Variants in IGBP1C observed in about 807,000 individuals in gnomAD.
The protein encoded by IGBP1C is immunoglobulin-binding protein 1 family member C.
chr17:58,676,554 C>A, the IGBP1C span, among the ~76,000 whole-genome samples: 535 of 152,174 alleles, frequency 3.5e-3, no homozygotes, highest in African/African-American at 0.012. Flanking sequence ...GAGTGAAACT[C>A]CATCTCAAAC....
chr17:58,689,042 T>C, the IGBP1C span, among the ~76,000 whole-genome samples: 1 of 152,104 alleles, frequency 6.6e-6, no homozygotes, highest in Non-Finnish European at 1.5e-5. Flanking sequence ...ACCATTCTCC[T>C]GCCTCAGCCT....
chr17:58,682,703 T>C, the IGBP1C span, among the ~76,000 whole-genome samples: 1 of 152,212 alleles, frequency 6.6e-6, no homozygotes, highest in Non-Finnish European at 1.5e-5. Context: ...AAGTGGCTCA[T>C]GAATCCTCAC....
the IGBP1C span, among the ~76,000 whole-genome samples, chr17:58,676,869 G>C: frequency 2.2e-4 from 34 of 151,976 alleles, no homozygotes; most frequent in African/African-American, 8.2e-4. Flanking sequence ...GGTGGCTCAC[G>C]CCTGTAATCC....
the IGBP1C span, chr17:58,666,503 C>CAACT: frequency 4.0e-5 from 4 of 98,930 alleles, no homozygotes; most frequent in South Asian, 1.6e-3. Context: ...AGCTAATACA[C>CAACT]AACTAACAAA....
chr17:58,685,996 C>CAAA, the IGBP1C span, among the ~76,000 whole-genome samples: 790 of 82,074 alleles, frequency 9.6e-3, 32 homozygotes, highest in African/African-American at 0.034. Flanking sequence ...CTCTGTCTCA[C>CAAA]AAAAAAAAAA....
At chr17:58,666,248 T>C in the IGBP1C span, among the ~76,000 whole-genome samples, 2 of 151,624 alleles carry the variant, frequency 1.3e-5, no homozygotes, top group African/African-American at 4.8e-5. Flanking sequence ...CTAGGGAAGC[T>C]GAGACACGAG....
At chr17:58,691,459 G>A in the IGBP1C span, among the ~76,000 whole-genome samples, 2 of 151,778 alleles carry the variant, frequency 1.3e-5, no homozygotes, top group African/African-American at 2.4e-5. Context: ...ACGAGGTCAG[G>A]AGTTCGAGAC....
At chr17:58,688,458 A>G in the IGBP1C span, among the ~76,000 whole-genome samples, 9 of 152,220 alleles carry the variant, frequency 5.9e-5, no homozygotes, top group Non-Finnish European at 1.0e-4. Flanking sequence ...CAGCATTAGC[A>G]TTCTGCTGAG....
At chr17:58,689,913 G>A in the IGBP1C span, among the ~76,000 whole-genome samples, 35 of 144,764 alleles carry the variant, frequency 2.4e-4, no homozygotes, top group African/African-American at 8.5e-4. Context: ...GTGGTGGCGT[G>A]ATCTAGGCTC....
At chr17:58,690,146 GGTTTTTTT>G in the IGBP1C span, among the ~76,000 whole-genome samples, 9 of 149,720 alleles carry the variant, frequency 6.0e-5, no homozygotes. Flanking sequence ...GTTGAGTGGG[GGTTTTTTT>G]GTTTTTTTTA....
chr17:58,688,195 A>C, the IGBP1C span, among the ~76,000 whole-genome samples: 53 of 151,982 alleles, frequency 3.5e-4, 1 homozygote, highest in East Asian at 0.01. Flanking sequence ...ATATCGGCTC[A>C]CTGCAATCTC....
the IGBP1C span, among the ~76,000 whole-genome samples, chr17:58,666,160 T>C: frequency 1.3e-5 from 2 of 151,652 alleles, no homozygotes; most frequent in African/African-American, 4.8e-5. Flanking sequence ...CTTGCCAACA[T>C]GGTAAGACGC....
the IGBP1C span, among the ~76,000 whole-genome samples, chr17:58,686,621 T>C: frequency 6.6e-6 from 1 of 152,138 alleles, no homozygotes; most frequent in Non-Finnish European, 1.5e-5. Context: ...AAGTGTGGCA[T>C]TAAAAAAGCC....
At chr17:58,662,715 CAAGG>C in the IGBP1C span, among the ~76,000 whole-genome samples, 1 of 152,028 alleles carries the variant, frequency 6.6e-6, no homozygotes, top group Non-Finnish European at 1.5e-5. Flanking sequence ...TCATGGGAGT[CAAGG>C]AAGGAAGGGT....
At chr17:58,664,730 AAT>A in the IGBP1C span, among the ~76,000 whole-genome samples, 11 of 152,318 alleles carry the variant, frequency 7.2e-5, no homozygotes, top group Non-Finnish European at 1.5e-4. Flanking sequence ...TTTCCATTAA[AAT>A]ATATGTTAAA....
the IGBP1C span, among the ~76,000 whole-genome samples, chr17:58,680,237 T>A: frequency 6.6e-6 from 1 of 152,122 alleles, no homozygotes; most frequent in African/African-American, 2.4e-5. Context: ...TTAAACAAGC[T>A]GCTATACACG....
chr17:58,689,083 A>G, the IGBP1C span, among the ~76,000 whole-genome samples: 1 of 151,806 alleles, frequency 6.6e-6, no homozygotes, highest in Admixed American at 6.6e-5. Context: ...GGTGCCTGCC[A>G]CCACACCCGG....
chr17:58,661,258 G>A, the IGBP1C span: 1 of 799,062 alleles, frequency 1.3e-6, no homozygotes, highest in Non-Finnish European at 2.3e-6. Flanking sequence ...ACTGAGTTAA[G>A]TATTTTATAA....
chr17:58,665,646 A>G, the IGBP1C span, among the ~76,000 whole-genome samples: 7 of 152,056 alleles, frequency 4.6e-5, no homozygotes, highest in African/African-American at 9.7e-5. Flanking sequence ...TTACCTCACT[A>G]AAGTTCCTAA....
Sources: gnomAD v4.1 joint callset for allele counts (sites outside exome capture counted in the v4.1 genomes callset) on GRCh38, gnomAD v4.1.1 for gene constraint, MANE v1.5 for transcripts, NCBI Gene and HGNC (gene_info 2026-07-23, HGNC 2026-07-21) for gene names.